Variants in TIAM2 observed in about 807,000 individuals in gnomAD.
TIAM2 encodes the protein rho guanine nucleotide exchange factor TIAM2.
Under a neutral mutation model 152.9 loss-of-function variants are expected in TIAM2, and 80 were observed. The ratio of observed to expected loss-of-function variants is 0.52; its 90% CI spans 0.44 to 0.63. The LOEUF is 0.63. TIAM2 is among the 30% of genes least tolerant of loss of function. TIAM2 has a pLI of 0.00. For missense variants in TIAM2, 1,965 were observed against 2,120.1 expected (o/e 0.93, Z 1.44); for synonymous variants, 804 against 838.0 (o/e 0.96, Z 0.70).
intron 9 of TIAM2, among the ~76,000 whole-genome samples, chr6:155,166,598 GGCGTGA>G (rs1360324490): frequency 6.6e-6 from 1 of 152,202 alleles, no homozygotes; most frequent in Non-Finnish European, 1.5e-5. Flanking sequence ...GCTGATTACA[GGCGTGA>G]GCCACCGTGC....
intron 2 of TIAM2, among the ~76,000 whole-genome samples, chr6:155,123,518 G>A (rs1383420495): frequency 6.6e-6 from 1 of 152,170 alleles, no homozygotes; most frequent in East Asian, 1.9e-4. Context: ...GGGGTCTCCT[G>A]TGTTTTTAGA....
At chr6:155,123,145 A>C (rs1226621510) in intron 2 of TIAM2, among the ~76,000 whole-genome samples, 3 of 151,794 alleles carry the variant, frequency 2.0e-5, no homozygotes, top group African/African-American at 4.8e-5. Context: ...TAAATTTCTC[A>C]TAAATATTGG....
At chr6:155,094,546 C>CTTTTTTTTTTTTTTT (rs10694318) in intron 2 of TIAM2, among the ~76,000 whole-genome samples, 1 of 79,940 alleles carries the variant, frequency 1.3e-5, no homozygotes, top group Non-Finnish European at 2.2e-5. Context: ...TTCACTCAGA[C>CTTTTTTTTTTTTTTT]TTTTTTTTTT....
chr6:155,093,330 C>T (rs1778343817), intron 2 of TIAM2, among the ~76,000 whole-genome samples: 1 of 152,204 alleles, frequency 6.6e-6, no homozygotes, highest in Admixed American at 6.5e-5. Flanking sequence ...GTCCCTTTCT[C>T]CAGACCGTAG....
chr6:154,996,881 G>C (rs1430207163), intron 1 of TIAM2, among the ~76,000 whole-genome samples: 1 of 152,164 alleles, frequency 6.6e-6, no homozygotes, highest in Admixed American at 6.5e-5. Context: ...GGTGTCAGAG[G>C]TTTTTGTGTT....
intron 5 of TIAM2, among the ~76,000 whole-genome samples, chr6:155,142,092 G>A (rs959224382): frequency 2.0e-5 from 3 of 151,882 alleles, no homozygotes; most frequent in African/African-American, 4.8e-5. Flanking sequence ...CGGGGTGAAC[G>A]GCAAAGGCAG....
chr6:155,130,395 C>T lies in TIAM2; in HGVS notation c.1172C>T (p.Ser391Leu). Reference sequence around the variant, plus strand: ...ATCAGTGACTGGACGGGAAGCCTCTCAAGGAAGAAAAGGAAACTCCAGGTG... The same window carrying T: ...ATCAGTGACTGGACGGGAAGCCTCTTAAGGAAGAAAAGGAAACTCCAGGTG... Reference protein sequence around the residue: ...RRISDWTGSLSRKKRKLQEPR... With the variant: ...RRISDWTGSLLRKKRKLQEPR... Residue 391 changes from serine to leucine, a missense_variant, in exon 4 of 27, where the codon TCA becomes TTA. Around this residue, in one of 3 missense-constraint regions of TIAM2, gnomAD observed 1,025 missense variants for 1,119.4 expected, o/e 0.92. Coordinates refer to ENST00000682666, the MANE Select transcript of TIAM2 (RefSeq NM_012454.4). 2 of 1,613,558 alleles carry T rather than the reference C, an allele frequency of 1.2e-6. No individual in the cohort carries two copies. Among genetic ancestry groups the T allele is most frequent in the Non-Finnish European group, 1.7e-6 (2 of 1,179,906 alleles).
At chr6:155,169,965 C>A (rs144940834) in intron 9 of TIAM2, among the ~76,000 whole-genome samples, 1,903 of 152,154 alleles carry the variant, frequency 0.013, 51 homozygotes, top group African/African-American at 0.043. Flanking sequence ...ATTACAGGCA[C>A]CTGCCACCAA....
Position 155,210,689 on chromosome 6 carries a change from CTT to C in TIAM2, c.3065-514_3065-513del, listed in dbSNP as rs145090995. Among the ~76,000 whole-genome samples, 462 of 152,304 alleles carry C rather than the reference CTT, an allele frequency of 3.0e-3. 2 individuals are homozygous for C. Among genetic ancestry groups the C allele is most frequent in the African/African-American group, 9.4e-3 (391 of 41,574 alleles). Reference sequence around the variant, plus strand: ...AAGTTAATAAGGGTTTACTGATCCTCTTGGGACTTTCAAGTTAGGATGAAATT... The same window carrying C: ...AAGTTAATAAGGGTTTACTGATCCTCGGGACTTTCAAGTTAGGATGAAATT... On this transcript the variant is annotated intron_variant, in intron 14 of 26. Transcript: ENST00000682666.
Position 155,049,168 on chromosome 6 carries a change from C to T in TIAM2, c.-208-41121C>T, listed in dbSNP as rs762342329. ...CAAAACCAGAGGCTGTGCTTTGATTCGAACCTAGCTACCAAATGCACATGC... is the reference window on the plus strand; with the variant it reads ...CAAAACCAGAGGCTGTGCTTTGATTTGAACCTAGCTACCAAATGCACATGC... On this transcript the variant is annotated intron_variant, in intron 1 of 26. Coordinates refer to ENST00000682666, the MANE Select transcript of TIAM2 (RefSeq NM_012454.4). 5.3e-5 allele frequency among the ~76,000 whole-genome samples: 8 copies of T among 152,086 alleles called. No individual in the cohort carries two copies. The South Asian group carries it at 6.2e-4, about 12-fold the overall frequency.
intron 1 of TIAM2, among the ~76,000 whole-genome samples, chr6:155,022,964 C>T (rs1197279674): frequency 1.3e-5 from 2 of 151,774 alleles, no homozygotes; most frequent in African/African-American, 4.8e-5. Context: ...TAGGTTTCTC[C>T]TTTCCGGCTT....
intron 15 of TIAM2, among the ~76,000 whole-genome samples, chr6:155,228,796 C>T (rs1382743256): frequency 2.0e-5 from 3 of 152,174 alleles, no homozygotes; most frequent in Admixed American, 1.3e-4. Context: ...ACAAGCCCGA[C>T]GCTCCTCCTG....
At chr6:155,046,064 C>T (rs1777167996) in intron 1 of TIAM2, among the ~76,000 whole-genome samples, 1 of 151,654 alleles carries the variant, frequency 6.6e-6, no homozygotes, top group Admixed American at 6.6e-5. Context: ...CACACCATTG[C>T]CTTTAACTCC....
rs552788370 is a variant in TIAM2, at chr6:155,034,007, G to A, written c.-209+38515G>A. Among the ~76,000 whole-genome samples the A allele has an allele frequency of 1.0e-4, 15 of 150,270 alleles. No individual in the cohort carries two copies. In the South Asian group the frequency reaches 2.1e-3, roughly 21 times the overall value. ...GTTGGGATTACAGGCGTGAGCCACC[G>A]CACCCGGCCTCTCTTGGCTTTCTTC... On this transcript the variant is annotated intron_variant, in intron 1 of 26. Transcript: ENST00000682666.
chr6:155,135,128 A>G (rs1028465722), intron 4 of TIAM2, among the ~76,000 whole-genome samples: 1 of 152,248 alleles, frequency 6.6e-6, no homozygotes, highest in African/African-American at 2.4e-5. Context: ...GCATCAGTGT[A>G]TAAATAAATA....
At chr6:155,081,019 A>G (rs532356117) in intron 1 of TIAM2, among the ~76,000 whole-genome samples, 2 of 152,276 alleles carry the variant, frequency 1.3e-5, no homozygotes, top group African/African-American at 4.8e-5. Context: ...TGTTTCCTGG[A>G]GGTCCACAGT....
chr6:155,143,291 T>G (rs1779752894), intron 5 of TIAM2, among the ~76,000 whole-genome samples: 1 of 152,226 alleles, frequency 6.6e-6, no homozygotes, highest in Non-Finnish European at 1.5e-5. Flanking sequence ...GTCTAATAAT[T>G]ATAATGCAAT....
chr6:155,188,037 G>A (rs1250722144), intron 14 of TIAM2, among the ~76,000 whole-genome samples: 1 of 152,188 alleles, frequency 6.6e-6, no homozygotes, highest in Admixed American at 6.5e-5. Context: ...GAGGCAGTAG[G>A]ACTTACTGTT....
intron 15 of TIAM2, among the ~76,000 whole-genome samples, chr6:155,227,417 T>G (rs1782288228): frequency 1.3e-5 from 2 of 152,220 alleles, no homozygotes; most frequent in African/African-American, 4.8e-5. Flanking sequence ...CCATTTAGCA[T>G]GAGAAAACTC....
Sources: gnomAD v4.1 joint callset for allele counts (sites outside exome capture counted in the v4.1 genomes callset) on GRCh38, gnomAD v4.1.1 for gene constraint, gnomAD v4.1.1 regional missense constraint, MANE v1.5 for transcripts, NCBI Gene and HGNC (gene_info 2026-07-23, HGNC 2026-07-21) for gene names.